The following SRBD1 variants were observed in gnomAD, a reference collection of about 807,000 sequenced individuals.
The protein encoded by SRBD1 is S1 RNA-binding domain-containing protein 1.
A neutral mutation model predicts 115.3 loss-of-function variants in SRBD1; 88 were observed. That is an observed-to-expected ratio of 0.76 (90% CI 0.64 to 0.91). SRBD1 has a LOEUF of 0.91. SRBD1 is among the 40% of genes least tolerant of loss of function. SRBD1 has a pLI of 0.00. For missense variants in SRBD1, 1,385 were observed against 1,177.4 expected, an observed-to-expected ratio of 1.18 and a Z score of -2.58; for synonymous variants, 509 against 407.7, an observed-to-expected ratio of 1.25 and a Z score of -2.99.
chr2:45,461,722 G>A (rs910021829), intron 16 of SRBD1, among the ~76,000 whole-genome samples: 25 of 151,822 alleles, frequency 1.6e-4, no homozygotes, highest in Admixed American at 1.1e-3. Context: ...TTCCACTATG[G>A]ATCTGCTTAA....
intron 14 of SRBD1, among the ~76,000 whole-genome samples, chr2:45,506,049 T>C (rs868469792): frequency 6.6e-6 from 1 of 152,132 alleles, no homozygotes; most frequent in South Asian, 2.1e-4. Context: ...GACCTGAGTC[T>C]AAGAAAGAGT....
chr2:45,572,129 A>G lies in SRBD1; in HGVS notation c.1305+1078T>C, dbSNP rs546776950. ...AAGACAGAGAATCCTGAATGCAGCA[A>G]GAGAGAAGAGACTTGTCATGAATAA... On this transcript the variant is annotated intron_variant, in intron 9 of 20. Transcript: ENST00000263736. 2.6e-5 allele frequency among the ~76,000 whole-genome samples: 4 copies of G among 152,302 alleles called. No individual in the cohort carries two copies. The East Asian group carries it at 7.7e-4, about 29-fold the overall frequency.
intron 11 of SRBD1, 24 bp from the exon 12 acceptor site, chr2:45,551,306 A>C (rs1672292384): frequency 6.4e-7 from 1 of 1,574,616 alleles, no homozygotes; most frequent in South Asian, 1.2e-5. Flanking sequence ...AGAAAAGAAA[A>C]AGTTTTTCAT....
At position 45,581,681 on chromosome 2, in the gene SRBD1, A is replaced by T; in HGVS notation, c.933+12T>A. On this transcript the variant is annotated intron_variant, in intron 6 of 20. Transcript: ENST00000263736. ...TCAGGTATTACATTAAAAGATAAAA[A>T]GGATTCCTTACCACGTGTTCTAGTT... is the stretch of plus-strand genomic sequence containing the variant. The T allele has an allele frequency of 6.3e-7, 1 of 1,599,890 alleles. No individual in the cohort carries two copies. The highest frequency in any genetic ancestry group is 8.5e-7 in the Non-Finnish European group (1 of 1,171,896).
intron 16 of SRBD1, among the ~76,000 whole-genome samples, chr2:45,462,913 A>T (rs1669363515): frequency 6.6e-6 from 1 of 151,904 alleles, no homozygotes; most frequent in Non-Finnish European, 1.5e-5. Context: ...TCAAAACGAC[A>T]ACACATGCAT....
At chr2:45,527,322 T>C (rs1456538401) in intron 14 of SRBD1, among the ~76,000 whole-genome samples, 1 of 151,802 alleles carries the variant, frequency 6.6e-6, no homozygotes. Flanking sequence ...CCGAAAAAAG[T>C]TACATAAATC....
intron 12 of SRBD1, among the ~76,000 whole-genome samples, chr2:45,549,976 T>C (rs1434136679): frequency 6.6e-6 from 1 of 151,896 alleles, no homozygotes; most frequent in African/African-American, 2.4e-5. Context: ...ATTTCAGAAA[T>C]GAAAATCTAA....
At chr2:45,473,406 T>C (rs1278243032) in intron 16 of SRBD1, among the ~76,000 whole-genome samples, 1 of 152,236 alleles carries the variant, frequency 6.6e-6, no homozygotes, top group East Asian at 1.9e-4. Flanking sequence ...GGCTCAACTA[T>C]ACATTTTACT....
chr2:45,581,852 A>T, intron 5 of SRBD1, 42 bp from the exon 6 acceptor site: 2 of 1,497,358 alleles, frequency 1.3e-6, no homozygotes, highest in Non-Finnish European at 1.8e-6. Flanking sequence ...ACTGTATGTC[A>T]AAACTTTCTT....
Position 45,549,153 on chromosome 2 carries a change from C to T in SRBD1, c.1676-1541G>A, listed in dbSNP as rs1381869698. On this transcript the variant is annotated intron_variant, in intron 12 of 20. Coordinates refer to ENST00000263736, the MANE Select transcript of SRBD1 (RefSeq NM_018079.5). ...TACCTTTAAAGACAAAAATTCCACA[C>T]TGAGGAGAAACAATTGGTAATCACA... The T allele has an allele frequency of 2.6e-5, 4 of 152,118 alleles. No individual in the cohort carries two copies. The East Asian group carries it at 7.7e-4, about 29-fold the overall frequency. The allele number at this position is 152,118 out of a possible 1,614,324, so 9.4% of individuals were successfully genotyped here.
At chr2:45,605,269 C>T in intron 2 of SRBD1, 93 bp downstream of exon 2, 2 of 1,273,414 alleles carry the variant, frequency 1.6e-6, no homozygotes, top group Non-Finnish European at 1.1e-6. Flanking sequence ...TTTCTACCCA[C>T]ATCACTTAAG....
At chr2:45,423,224 G>C (rs946485898) in intron 16 of SRBD1, among the ~76,000 whole-genome samples, 3 of 152,038 alleles carry the variant, frequency 2.0e-5, no homozygotes, top group African/African-American at 7.2e-5. Context: ...CCTACCACAG[G>C]GCTAAAATGA....
At chr2:45,590,032 G>A (rs1350494660) in intron 4 of SRBD1, among the ~76,000 whole-genome samples, 1 of 152,198 alleles carries the variant, frequency 6.6e-6, no homozygotes, top group African/African-American at 2.4e-5. Flanking sequence ...GTATTTCCAG[G>A]CAGCTAAACA....
intron 4 of SRBD1, 61 bp downstream of exon 4, chr2:45,599,388 T>C (rs377149290): frequency 6.0e-6 from 2 of 335,568 alleles, no homozygotes; most frequent in South Asian, 7.7e-5. Flanking sequence ...GTACAACCCC[T>C]ATGCTAGTCA....
At chr2:45,557,055 G>C (rs958480084) in intron 10 of SRBD1, among the ~76,000 whole-genome samples, 11 of 152,034 alleles carry the variant, frequency 7.2e-5, no homozygotes, top group African/African-American at 1.9e-4. Flanking sequence ...AGGGCATTCT[G>C]GGAAGAAATT....
chr2:45,411,134 A>G (rs960415946), intron 19 of SRBD1, among the ~76,000 whole-genome samples: 3 of 152,178 alleles, frequency 2.0e-5, no homozygotes, highest in African/African-American at 7.2e-5. Flanking sequence ...ATCTGACACT[A>G]TCTCCAGGTA....
At chr2:45,536,985 T>C (rs1400806592) in intron 14 of SRBD1, among the ~76,000 whole-genome samples, 4 of 152,214 alleles carry the variant, frequency 2.6e-5, no homozygotes, top group Non-Finnish European at 4.4e-5. Context: ...CAAATATTCA[T>C]GAGACAATAC....
chr2:45,413,444 T>C (rs979362589), intron 18 of SRBD1, 151 bp from the exon 19 acceptor site: 2 of 888,486 alleles, frequency 2.3e-6, no homozygotes, highest in Admixed American at 6.2e-5. Flanking sequence ...CTACCACTTA[T>C]TTGTTTAAAT....
At chr2:45,605,053 G>T (rs1280900098) in intron 2 of SRBD1, among the ~76,000 whole-genome samples, 1 of 152,198 alleles carries the variant, frequency 6.6e-6, no homozygotes, top group African/African-American at 2.4e-5. Context: ...AATGTCAGTA[G>T]TGCAGAGGTT....
Sources: gnomAD v4.1 joint callset for allele counts (sites outside exome capture counted in the v4.1 genomes callset) on GRCh38, gnomAD v4.1.1 for gene constraint, MANE v1.5 for transcripts, NCBI Gene and HGNC (gene_info 2026-07-23, HGNC 2026-07-21) for gene names.